SCUBE2: variants seen among roughly 807,000 people sequenced by gnomAD.
SCUBE2 encodes the protein signal peptide, CUB domain and EGF like domain containing 2, also known as signal peptide, CUB and EGF-like domain-containing protein 2.
SCUBE2 carries 114 observed loss-of-function variants against 125.9 expected under a neutral mutation model. The observed-to-expected ratio is 0.91, with a 90% CI of 0.78 to 1.06. The LOEUF (loss-of-function observed/expected upper bound fraction) is 1.06, where lower values mean the gene tolerates loss of function less well. Among genes scored for constraint, SCUBE2 ranks in the 50% least tolerant of loss-of-function variants. The pLI, the probability that SCUBE2 is intolerant of heterozygous loss-of-function variation, is 0.00. For synonymous variants in SCUBE2, 459 were observed against 492.9 expected (o/e 0.93, Z 0.91); for missense variants, 1,255 against 1,301.8 (o/e 0.96, Z 0.55).
At chr11:9,036,928 C>A (rs1408565128) in intron 16 of SCUBE2, among the ~76,000 whole-genome samples, 3 of 152,212 alleles carry the variant, frequency 2.0e-5, no homozygotes, top group Non-Finnish European at 4.4e-5. Flanking sequence ...TTTTTCCTCA[C>A]AATGAAAGGC....
chr11:9,062,152 C>T (rs1396360132), intron 7 of SCUBE2, among the ~76,000 whole-genome samples: 3 of 152,192 alleles, frequency 2.0e-5, no homozygotes, highest in Admixed American at 2.0e-4. Flanking sequence ...AAAAAGAGAT[C>T]TCTAACCCTC....
At chr11:9,061,415 G>A (rs867678175) in intron 7 of SCUBE2, among the ~76,000 whole-genome samples, 2 of 151,846 alleles carry the variant, frequency 1.3e-5, no homozygotes, top group East Asian at 1.9e-4. Context: ...AAAAATTAGC[G>A]AGGCCTGGTG....
chr11:9,089,696 A>G lies in SCUBE2; in HGVS notation c.256+11T>C, dbSNP rs1862453802. On this transcript the variant is annotated intron_variant, in intron 2 of 22. Transcript: ENST00000649792. Reference sequence around the variant, plus strand: ...CCTACAGTCCCCCCACATGGTCCCCAAGGCACTTACCCTCACACTGCCTGC... The same window carrying G: ...CCTACAGTCCCCCCACATGGTCCCCGAGGCACTTACCCTCACACTGCCTGC... 1 of 1,612,744 alleles carries G rather than the reference A, an allele frequency of 6.2e-7. No individual in the cohort carries two copies. The highest frequency in any genetic ancestry group is 8.5e-7 in the Non-Finnish European group (1 of 1,179,308).
chr11:9,045,377 A>G (rs978409685), intron 16 of SCUBE2, among the ~76,000 whole-genome samples: 162 of 152,174 alleles, frequency 1.1e-3, no homozygotes, highest in African/African-American at 3.6e-3. Context: ...CTAAATTTAA[A>G]ATATTTAAAA....
At chr11:9,074,372 A>C (rs1564843230) in intron 4 of SCUBE2, 109 bp downstream of exon 4, 4 of 1,405,204 alleles carry the variant, frequency 2.8e-6, no homozygotes, top group Non-Finnish European at 3.8e-6. Flanking sequence ...TCAGGCCTCC[A>C]GACTTTCTAT....
chr11:9,068,907 G>A (rs1022609966), intron 5 of SCUBE2, among the ~76,000 whole-genome samples: 3 of 152,224 alleles, frequency 2.0e-5, no homozygotes, highest in African/African-American at 7.2e-5. Flanking sequence ...AAGGTTGAGT[G>A]AGAGTCCACC....
At chr11:9,025,980 G>T (rs750535374) in intron 20 of SCUBE2, 126 bp from the exon 21 acceptor site, 27 of 978,890 alleles carry the variant, frequency 2.8e-5, no homozygotes, top group Non-Finnish European at 3.7e-5. Flanking sequence ...TTCAGGCCCA[G>T]CTGAGCCATC....
chr11:9,024,974 G>A (rs1017750453), intron 21 of SCUBE2, among the ~76,000 whole-genome samples: 1 of 152,188 alleles, frequency 6.6e-6, no homozygotes, highest in Non-Finnish European at 1.5e-5. Context: ...TGTTGGCTAG[G>A]TGAACAAATA....
intron 19 of SCUBE2, among the ~76,000 whole-genome samples, chr11:9,029,568 T>C (rs893657474): frequency 1.3e-5 from 2 of 152,284 alleles, no homozygotes; most frequent in Admixed American, 6.5e-5. Context: ...AGCAGAATGC[T>C]GGGCACGTAA....
chr11:9,075,456 G>T (rs1003677229), intron 3 of SCUBE2, among the ~76,000 whole-genome samples: 5 of 152,206 alleles, frequency 3.3e-5, no homozygotes, highest in Non-Finnish European at 7.3e-5. Flanking sequence ...AAGGCTGGGA[G>T]GCATGAAGAA....
chr11:9,064,328 G>A (rs527958994), intron 7 of SCUBE2, among the ~76,000 whole-genome samples: 5 of 152,116 alleles, frequency 3.3e-5, no homozygotes, highest in African/African-American at 9.6e-5. Flanking sequence ...TTAGCCAGGC[G>A]CAGTGGCACA....
chr11:9,022,011 ACT>A (rs1185745636), intron 21 of SCUBE2, 56 bp from the exon 22 acceptor site: 2 of 1,290,324 alleles, frequency 1.5e-6, no homozygotes, highest in Non-Finnish European at 2.3e-6. Flanking sequence ...TTCCAAACTC[ACT>A]CTTTCACTTT....
intron 7 of SCUBE2, among the ~76,000 whole-genome samples, chr11:9,061,298 T>C (rs915493129): frequency 2.6e-5 from 4 of 152,268 alleles, no homozygotes; most frequent in Middle Eastern, 3.4e-3. Context: ...GGCTTACCCC[T>C]GTAATCCCAA....
chr11:9,039,313 A>G (rs1857004812), intron 16 of SCUBE2, among the ~76,000 whole-genome samples: 1 of 152,168 alleles, frequency 6.6e-6, no homozygotes, highest in African/African-American at 2.4e-5. Context: ...GATAAAGGAA[A>G]TTACCTGAAG....
At position 9,029,889 on chromosome 11, in the gene SCUBE2, CA is replaced by C; in HGVS notation, c.2497del (p.Cys833ValfsTer45). ...AGCCTTAGAGAGGGACCTACTTTTA[CA>C]CTGGGTTATGTTTGTGGAGCCATCA... ...DFDGSTNITQCKNRRCGGELG... is the reference protein window; with the variant it reads ...DFDGSTNITQXKNRRCGGELG... On this transcript the variant is annotated frameshift_variant, in exon 19 of 23. Transcript: ENST00000649792. LOFTEE classifies it high-confidence loss of function. 1 of 1,614,176 alleles carries C rather than the reference CA, an allele frequency of 6.2e-7. No homozygotes were observed. The highest frequency in any genetic ancestry group is 8.5e-7 in the Non-Finnish European group (1 of 1,180,030).
chr11:9,034,020 A>G (rs1423852620), intron 16 of SCUBE2, among the ~76,000 whole-genome samples: 1 of 152,182 alleles, frequency 6.6e-6, no homozygotes, highest in Non-Finnish European at 1.5e-5. Flanking sequence ...CTCTCCCTAG[A>G]CCATGAGCTC....
intron 16 of SCUBE2, among the ~76,000 whole-genome samples, chr11:9,043,592 A>G (rs1857431628): frequency 6.7e-6 from 1 of 150,370 alleles, no homozygotes; most frequent in Non-Finnish European, 1.5e-5. Context: ...ATGATAAGAA[A>G]GAAAATATAC....
At chr11:9,077,454 C>T (rs1007662136) in intron 3 of SCUBE2, among the ~76,000 whole-genome samples, 10 of 152,142 alleles carry the variant, frequency 6.6e-5, no homozygotes, top group Non-Finnish European at 1.3e-4. Context: ...TCTTGAAGTG[C>T]TCTGTGTTTA....
rs1360723608 is a variant in SCUBE2, at chr11:9,066,678, T to A, written c.760+19A>T. 6.3e-7 allele frequency: 1 copy of A among 1,587,330 alleles called. No homozygotes were observed. The highest frequency in any genetic ancestry group is 1.7e-5 in the Admixed American group (1 of 59,952). ...CAGGCTGGTGCAGACCCTCACTCAGTGTTGGGGTTGCCACTCACCAAGGCA... is the reference window on the plus strand; with the variant it reads ...CAGGCTGGTGCAGACCCTCACTCAGAGTTGGGGTTGCCACTCACCAAGGCA... On this transcript the variant is annotated intron_variant, in intron 6 of 22. Coordinates refer to ENST00000649792, the MANE Select transcript of SCUBE2 (RefSeq NM_001367977.2).
Sources: gnomAD v4.1 joint callset for allele counts (sites outside exome capture counted in the v4.1 genomes callset) on GRCh38, gnomAD v4.1.1 for gene constraint, MANE v1.5 for transcripts, NCBI Gene and HGNC (gene_info 2026-07-23, HGNC 2026-07-21) for gene names.